Variants in FRMD4A observed in about 807,000 individuals in gnomAD.
The protein encoded by FRMD4A is FERM domain containing 4A.
A neutral mutation model predicts 129.1 loss-of-function variants in FRMD4A; 29 were observed. The ratio of observed to expected loss-of-function variants is 0.22; its 90% confidence interval spans 0.17 to 0.31. The LOEUF is 0.31. Ranked by LOEUF, FRMD4A falls within the 10% of genes least tolerant of loss-of-function variation. FRMD4A has a pLI of 1.00. For synonymous variants in FRMD4A, 634 were observed against 571.6 expected (o/e 1.11, Z -1.56); for missense variants, 1,272 against 1,375.8 (o/e 0.92, Z 1.19).
intron 2 of FRMD4A, among the ~76,000 whole-genome samples, chr10:13,949,242 G>C (rs1247879218): frequency 1.4e-5 from 2 of 140,030 alleles, no homozygotes; most frequent in East Asian, 4.6e-4. Context: ...GAAAGACGTT[G>C]TTGGCCCTGG....
chr10:13,699,555 A>G (rs2086603543), intron 14 of FRMD4A, among the ~76,000 whole-genome samples: 1 of 152,188 alleles, frequency 6.6e-6, no homozygotes, highest in Non-Finnish European at 1.5e-5. Flanking sequence ...CGCAGAGAGG[A>G]GGAGCTTGAA....
At chr10:13,867,823 T>C (rs1159421179) in intron 2 of FRMD4A, among the ~76,000 whole-genome samples, 1 of 136,850 alleles carries the variant, frequency 7.3e-6, no homozygotes, top group Non-Finnish European at 1.5e-5. Flanking sequence ...CATAATATAA[T>C]ATATAATATA....
chr10:13,932,941 A>T (rs2131290255), intron 2 of FRMD4A, among the ~76,000 whole-genome samples: 1 of 152,250 alleles, frequency 6.6e-6, no homozygotes, highest in African/African-American at 2.4e-5. Context: ...CGGGTGGATC[A>T]CCTGAGCTGA....
chr10:13,654,308 A>T, intron 23 of FRMD4A, 108 bp downstream of exon 23: 1 of 803,630 alleles, frequency 1.2e-6, no homozygotes, highest in Non-Finnish European at 2.2e-6. Context: ...CCTCCCAGTG[A>T]TGAACCCTCA....
chr10:14,054,410 G>T (rs924223317), intron 2 of FRMD4A, among the ~76,000 whole-genome samples: 3 of 152,152 alleles, frequency 2.0e-5, no homozygotes, highest in Admixed American at 2.0e-4. Context: ...TGTCCTAAGA[G>T]TCCACAGCCT....
chr10:13,868,969 A>T (rs2094407778), intron 2 of FRMD4A, among the ~76,000 whole-genome samples: 1 of 152,236 alleles, frequency 6.6e-6, no homozygotes, highest in Admixed American at 6.5e-5. Flanking sequence ...GCATTCTTCA[A>T]AGCTCAACCC....
chr10:14,086,176 G>T (rs903880933), intron 2 of FRMD4A, among the ~76,000 whole-genome samples: 1 of 152,170 alleles, frequency 6.6e-6, no homozygotes, highest in East Asian at 1.9e-4. Context: ...TGGAGAAGGG[G>T]CTATGCTGAT....
chr10:13,664,176 C>T (rs2082842701), intron 18 of FRMD4A, among the ~76,000 whole-genome samples: 1 of 152,186 alleles, frequency 6.6e-6, no homozygotes, highest in Non-Finnish European at 1.5e-5. Flanking sequence ...GCAATGTGAG[C>T]AAAGGTCCCA....
chr10:14,039,471 T>A lies in FRMD4A; in HGVS notation c.46-180559A>T, dbSNP rs867184456. Among the ~76,000 whole-genome samples the A allele has an allele frequency of 1.8e-3, 197 of 111,618 alleles. 2 individuals carry two copies. Among genetic ancestry groups the A allele is most frequent in the South Asian group, 0.011 (44 of 3,896 alleles). 73.2% of individuals were successfully genotyped at this position (111,618 alleles called of 152,430 possible). On this transcript the variant is annotated intron_variant, in intron 2 of 24. Transcript: ENST00000357447. The stretch of plus-strand genomic sequence containing the variant: ...AAATCAATCAATCTATCTATCTATC[T>A]ATCTATCTATCTATCTATCTATCTA...
chr10:13,979,815 A>G (rs1348011603), intron 2 of FRMD4A, among the ~76,000 whole-genome samples: 1 of 152,176 alleles, frequency 6.6e-6, no homozygotes, highest in African/African-American at 2.4e-5. Context: ...GAAACTATGT[A>G]TGTTCTGTTA....
chr10:14,131,067 T>A (rs1383782618), intron 2 of FRMD4A, among the ~76,000 whole-genome samples: 1 of 152,184 alleles, frequency 6.6e-6, no homozygotes, highest in African/African-American at 2.4e-5. Flanking sequence ...AATTCCCAGG[T>A]AACACCTCCA....
intron 2 of FRMD4A, among the ~76,000 whole-genome samples, chr10:14,153,561 A>G (rs1394890395): frequency 6.6e-6 from 1 of 152,190 alleles, no homozygotes; most frequent in African/African-American, 2.4e-5. Context: ...ATGAGGCTAC[A>G]CCAGTGTGTA....
chr10:14,162,271 C>T (rs1840930031), intron 2 of FRMD4A, among the ~76,000 whole-genome samples: 1 of 152,154 alleles, frequency 6.6e-6, no homozygotes, highest in Admixed American at 6.5e-5. Flanking sequence ...ATTGGCCCCA[C>T]CCAAGAAGCC....
intron 2 of FRMD4A, among the ~76,000 whole-genome samples, chr10:13,910,799 G>C (rs1297999295): frequency 6.8e-6 from 1 of 147,838 alleles, no homozygotes; most frequent in East Asian, 2.0e-4. Flanking sequence ...ATGACACACA[G>C]CTGCACTGGA....
At chr10:13,851,761 G>T (rs1478090052) in intron 3 of FRMD4A, among the ~76,000 whole-genome samples, 2 of 151,854 alleles carry the variant, frequency 1.3e-5, no homozygotes, top group Non-Finnish European at 1.5e-5. Context: ...TTAGTTGGGT[G>T]TGGTGGCGCC....
chr10:13,672,792 G>T (rs1007412568), intron 16 of FRMD4A, among the ~76,000 whole-genome samples: 7 of 152,094 alleles, frequency 4.6e-5, no homozygotes, highest in Non-Finnish European at 8.8e-5. Flanking sequence ...AGAGATGCAG[G>T]AACAGCACAG....
At chr10:13,693,123 C>T (rs1423998937) in intron 15 of FRMD4A, 4 of 152,736 alleles carry the variant, frequency 2.6e-5, no homozygotes, top group African/African-American at 9.7e-5. Flanking sequence ...ATTCTCCAGC[C>T]TCGGCCTCCC....
chr10:14,032,159 C>A (rs750926154), intron 2 of FRMD4A, among the ~76,000 whole-genome samples: 11 of 152,134 alleles, frequency 7.2e-5, no homozygotes, highest in Admixed American at 3.3e-4. Context: ...ATTCATGGAT[C>A]GTGCAACCTG....
At chr10:13,682,987 G>T (rs1055667401) in intron 15 of FRMD4A, among the ~76,000 whole-genome samples, 1 of 152,132 alleles carries the variant, frequency 6.6e-6, no homozygotes, top group African/African-American at 2.4e-5. Flanking sequence ...ACTCCCAAGT[G>T]GGGGCTCTTT....
Sources: allele counts gnomAD v4.1 joint callset (sites outside exome capture counted in the v4.1 genomes callset), GRCh38; gene constraint gnomAD v4.1.1; transcripts MANE v1.5; gene names NCBI Gene and HGNC (gene_info 2026-07-23, HGNC 2026-07-21).